Variants in POLE observed in about 807,000 individuals in gnomAD.
POLE encodes the protein DNA polymerase epsilon, catalytic subunit, also known as DNA polymerase epsilon catalytic subunit A.
Under a neutral mutation model 279.2 loss-of-function variants are expected in POLE, and 188 were observed. The observed-to-expected ratio is 0.67, with a 90% CI of 0.60 to 0.76. POLE has a LOEUF of 0.76. Among genes scored for constraint, POLE ranks in the 30% least tolerant of loss-of-function variants. The probability of loss-of-function intolerance (pLI) is 0.00; values close to 1 mark genes in which losing one functional copy is unlikely to be tolerated. For synonymous variants in POLE, 1,214 were observed against 1,172.5 expected (o/e 1.04, Z -0.72); for missense variants, 2,703 against 3,016.7 (o/e 0.90, Z 2.44).
At position 132,642,333 on chromosome 12, in the gene POLE, A is replaced by C; in HGVS notation, c.5017T>G (p.Phe1673Val). The C allele has an allele frequency of 6.3e-7, 1 of 1,595,806 alleles. No individual in the cohort carries two copies. Among genetic ancestry groups the C allele is most frequent in the South Asian group, 1.1e-5 (1 of 88,232 alleles). Reference protein sequence around the residue: ...DISTFGSDLFFARHLQRHNHL... With the variant: ...DISTFGSDLFVARHLQRHNHL... ...TTGTGGCGCTGGAGGTGGCGGGCAA[A>C]GAAGAGGTCGGAGCCGAATGTGGAG... Residue 1673 changes from phenylalanine (F) to valine (V), a missense_variant, in exon 38 of 49, where the codon TTT (phenylalanine) becomes GTT (valine). Transcript: ENST00000320574.
intron 29 of POLE, among the ~76,000 whole-genome samples, chr12:132,653,237 T>C (rs1303280358): frequency 6.6e-6 from 1 of 152,096 alleles, no homozygotes; most frequent in African/African-American, 2.4e-5. Context: ...TAGCCAGGTG[T>C]GGTGGTGCAC....
intron 19 of POLE, 93 bp from the exon 20 acceptor site, chr12:132,667,741 C>T (rs539104140): frequency 1.0e-5 from 14 of 1,341,926 alleles, no homozygotes; most frequent in Middle Eastern, 1.8e-4. Flanking sequence ...ATGGCTTCTA[C>T]GTCACCACAA....
Position 132,634,496 on chromosome 12 carries a change from T to C in POLE, c.5812-118A>G, listed in dbSNP as rs941089022. 15 of 965,614 alleles carry C rather than the reference T, an allele frequency of 1.6e-5. No homozygotes were observed. In the African/African-American group the frequency reaches 2.1e-4, roughly 14 times the overall value. 59.8% of individuals were successfully genotyped at this position (965,614 alleles called of 1,614,324 possible). A position where few individuals can be genotyped will look rare whatever the true frequency, so the allele number is the denominator to read the frequency against. On this transcript the variant is annotated intron_variant, in intron 42 of 48. Transcript: ENST00000320574. The surrounding 1 kb of genome is among the most constrained non-coding windows in gnomAD (Gnocchi z 4.0). ...CATCTGCCCCGTTTGACCAGAGGCC[T>C]TCCTCGCAGTCAAGGCATCCCCTGG...
At chr12:132,652,787 GCTCTC>G (rs1202897699) in intron 29 of POLE, among the ~76,000 whole-genome samples, 3 of 152,242 alleles carry the variant, frequency 2.0e-5, no homozygotes, top group South Asian at 2.1e-4. Context: ...CGGCTCTACT[GCTCTC>G]CTCTCATCTT....
intron 34 of POLE, 34 bp downstream of exon 34, chr12:132,643,373 C>T (rs2138548759): frequency 1.2e-6 from 2 of 1,614,194 alleles, no homozygotes; most frequent in Admixed American, 3.3e-5. Context: ...GTGTGGGAGG[C>T]AGGCACATGA....
rs150459192 is a variant in POLE, at chr12:132,671,177, C to A, written c.1794+1038G>T. On this transcript the variant is annotated intron_variant, in intron 16 of 48. Transcript: ENST00000320574. ...ACTCAGGAGGCTGAGACAGGAGAATCGCTTGAACCCAGGAGGCAAAGGTTG... is the reference window on the plus strand; with the variant it reads ...ACTCAGGAGGCTGAGACAGGAGAATAGCTTGAACCCAGGAGGCAAAGGTTG... 1.5e-3 allele frequency among the ~76,000 whole-genome samples: 216 copies of A among 144,196 alleles called. 3 individuals are homozygous for A. Among genetic ancestry groups the A allele is most frequent in the African/African-American group, 5.1e-3 (195 of 38,406 alleles). 94.6% of individuals were successfully genotyped at this position (144,196 alleles called of 152,430 possible). A position where few individuals can be genotyped will look rare whatever the true frequency, so the allele number is the denominator to read the frequency against.
rs1565938943 is a variant in POLE, at chr12:132,643,221, C to T, written c.4551+3G>A. 1 of 1,613,164 alleles carries T rather than the reference C, an allele frequency of 6.2e-7. No individual in the cohort carries two copies. Among genetic ancestry groups the T allele is most frequent in the Admixed American group, 1.7e-5 (1 of 60,022 alleles). On this transcript the variant is annotated splice_donor_region_variant and intron_variant, in intron 35 of 48. Coordinates refer to ENST00000320574, the MANE Select transcript of POLE (RefSeq NM_006231.4). The stretch of plus-strand genomic sequence containing the variant: ...GTGCTGCCATGGAGGGCCCAGGACT[C>T]ACAGTGTCCAGCACAAAGACGGATG...
chr12:132,632,837 C>G, intron 43 of POLE, 42 bp from the exon 44 acceptor site: 1 of 1,552,230 alleles, frequency 6.4e-7, no homozygotes, highest in Non-Finnish European at 8.7e-7. Flanking sequence ...AGTCGGGCTG[C>G]TGCAAACACC....
chr12:132,686,524 C>T (rs903042541), intron 1 of POLE, among the ~76,000 whole-genome samples: 2 of 152,032 alleles, frequency 1.3e-5, no homozygotes, highest in African/African-American at 4.8e-5. Flanking sequence ...CACCTGAGGT[C>T]AGGAGTTCGA....
intron 47 of POLE, 140 bp from the exon 48 acceptor site, chr12:132,625,134 T>C: frequency 1.4e-6 from 1 of 703,208 alleles, no homozygotes; most frequent in Non-Finnish European, 2.5e-6. Flanking sequence ...CAGCCCTCGG[T>C]TATGAGTAAA....
At position 132,637,931 on chromosome 12, in the gene POLE, G is replaced by A. The variant is rs5744975; in HGVS notation, c.5678+83C>T. Reference sequence around the variant, plus strand: ...TCTAACGACCTCCCAGCCCACCCAGGAGGAGAGCTGGCACCTCAGGGGGTC... The same window carrying A: ...TCTAACGACCTCCCAGCCCACCCAGAAGGAGAGCTGGCACCTCAGGGGGTC... On this transcript the variant is annotated intron_variant, in intron 41 of 48. Transcript: ENST00000320574. 693,279 of 1,494,974 alleles carry A rather than the reference G, an allele frequency of 0.46. 164,554 individuals carry two copies. The highest frequency in any genetic ancestry group is 0.7 in the East Asian group (29,820 of 42,880). 92.6% of individuals were successfully genotyped at this position (1,494,974 alleles called of 1,614,324 possible).
Position 132,673,614 on chromosome 12 carries a change from G to C in POLE, c.1320C>G (p.Asp440Glu), listed in dbSNP as rs763350226. The change falls in exon 13 of 49, where the codon GAC (aspartate) becomes GAG (glutamate). Residue 440 changes from aspartate (D) to glutamate (E), a missense_variant. Asp to Glu is a conservative substitution (Grantham distance 45). Around this residue, in one of 5 missense-constraint regions of POLE, gnomAD observed 1,011 missense variants for 1,111.7 expected, o/e 0.91. Transcript: ENST00000320574. Reference sequence around the variant, plus strand: ...TGGCCATCCGGCACATGTCCTCCGGGTCTAGCTCCACGGGATCATAGCCTA... The same window carrying C: ...TGGCCATCCGGCACATGTCCTCCGGCTCTAGCTCCACGGGATCATAGCCTA... ...AKLGYDPVEL[D>E]PEDMCRMATE... 1 of 1,613,720 alleles carries C rather than the reference G, an allele frequency of 6.2e-7. No individual in the cohort carries two copies. The highest frequency in any genetic ancestry group is 1.7e-5 in the Admixed American group (1 of 60,022).
chr12:132,657,458 A>T, intron 27 of POLE, 29 bp from the exon 28 acceptor site: 1 of 1,603,460 alleles, frequency 6.2e-7, no homozygotes, highest in Non-Finnish European at 8.5e-7. Context: ...GGCACAGAGA[A>T]CAGCAGGTGG....
intron 3 of POLE, 162 bp downstream of exon 3, chr12:132,680,445 C>T (rs2043142758): frequency 1.5e-6 from 1 of 674,246 alleles, no homozygotes; most frequent in East Asian, 2.6e-5. Flanking sequence ...TGACCTCTCT[C>T]AGGACATCTT....
At chr12:132,638,942 G>T in intron 40 of POLE, 183 bp downstream of exon 40, 1 of 605,542 alleles carries the variant, frequency 1.7e-6, no homozygotes, top group East Asian at 2.8e-5. Context: ...TGCAGGATGT[G>T]CAGGCGACGC....
intron 1 of POLE, among the ~76,000 whole-genome samples, chr12:132,683,762 T>C (rs1018864692): frequency 2.6e-5 from 4 of 152,354 alleles, no homozygotes; most frequent in East Asian, 1.9e-4. Context: ...CTCAAGTAAG[T>C]TGGATTAAGT....
rs773580533 is a variant in POLE at position 132,649,860 on chromosome 12, A to C, written c.3612T>G (p.Ser1204Arg). ...CCATGTCAGGAGCACTTGGCCTCGG[A>C]CTGTCTTCTGAGGCCTCGGCCATCG... Reference protein sequence around the residue: ...QVTMAEASEDSPRPSAPDMED... With the variant: ...QVTMAEASEDRPRPSAPDMED... The change falls in exon 30 of 49, where the codon AGT (serine) becomes AGG (arginine). Residue 1204 changes from serine to arginine, a missense_variant. This residue lies in a region of POLE where 1,551 missense variants were observed against 1,686.1 expected (regional missense o/e 0.92). Coordinates refer to ENST00000320574, the MANE Select transcript of POLE (RefSeq NM_006231.4). 2.6e-5 allele frequency: 42 copies of C among 1,613,986 alleles called. No individual in the cohort carries two copies. The highest frequency in any genetic ancestry group is 3.5e-5 in the Non-Finnish European group (41 of 1,180,034).
At chr12:132,681,491 C>T (rs955343885) in intron 1 of POLE, among the ~76,000 whole-genome samples, 1 of 152,102 alleles carries the variant, frequency 6.6e-6, no homozygotes, top group African/African-American at 2.4e-5. Flanking sequence ...CCACAGGCGA[C>T]AGCCACCACG....
At chr12:132,673,409 C>G in intron 13 of POLE, 132 bp from the exon 14 acceptor site, 1 of 1,197,202 alleles carries the variant, frequency 8.4e-7, no homozygotes, top group Non-Finnish European at 1.2e-6. Flanking sequence ...CAGGACAAAA[C>G]ACGTGTGTCC....
Sources: allele counts gnomAD v4.1 joint callset (sites outside exome capture counted in the v4.1 genomes callset), GRCh38; gene constraint gnomAD v4.1.1; regional missense constraint gnomAD v4.1.1; non-coding constraint Gnocchi (gnomAD v3.1); transcripts MANE v1.5; gene names NCBI Gene and HGNC (gene_info 2026-07-23, HGNC 2026-07-21).